Variants in SOX6 observed in about 807,000 individuals in gnomAD.
SOX6 encodes SRY-box transcription factor 6, also known as transcription factor SOX-6.
A neutral mutation model predicts 97.8 loss-of-function variants in SOX6; 11 were observed. The ratio of observed to expected loss-of-function variants is 0.11; its 90% CI spans 0.07 to 0.19. The LOEUF (loss-of-function observed/expected upper bound fraction) is 0.19. Among genes scored for constraint, SOX6 ranks in the 10% least tolerant of loss-of-function variants. The pLI is 1.00. For synonymous variants in SOX6, 360 were observed against 371.4 expected (o/e 0.97, Z 0.35); for missense variants, 810 against 1,039.5 (o/e 0.78, Z 3.04).
chr11:16,132,413 GA>G (rs1363826793), intron 6 of SOX6, among the ~76,000 whole-genome samples: 2 of 90,586 alleles, frequency 2.2e-5, no homozygotes, highest in Admixed American at 2.6e-4. Context: ...AAGAAAGAAA[GA>G]AAGAAAGAAA....
In SOX6 at chr11:16,610,061, C is replaced by G. The variant is rs1011518546; in HGVS notation, n.609+2020G>C. On this transcript the variant is annotated intron_variant and non_coding_transcript_variant, in intron 4 of 5. Transcript: ENST00000524520. This position sits in a 1 kb window ranked among gnomAD's most constrained non-coding sequence, Gnocchi z 4.4. ...CTAAGGCCCAAGGGGCAAGCTCAGACTGGTGTTTCTAGCCCAGACAGGAGT... is the reference window on the plus strand; with the variant it reads ...CTAAGGCCCAAGGGGCAAGCTCAGAGTGGTGTTTCTAGCCCAGACAGGAGT... Among the ~76,000 whole-genome samples, 1 of 152,188 alleles carries G rather than the reference C, an allele frequency of 6.6e-6. No individual in the cohort carries two copies. The highest frequency in any genetic ancestry group is 2.4e-5 in the African/African-American group (1 of 41,444).
In SOX6 at chr11:15,969,502, C is replaced by A. The variant is rs905046800; in HGVS notation, c.*3307G>T. ...AGTGGGTTCTGAACTGCATGAGAAC[C>A]CTGGTGAAACGTTTTGCTGTCCCAG... is the stretch of plus-strand genomic sequence containing the variant. On this transcript the variant is annotated 3_prime_UTR_variant, in exon 16 of 16. Transcript: ENST00000683767. 2.0e-5 allele frequency: 3 copies of A among 151,868 alleles called. No individual in the cohort carries two copies. The highest frequency in any genetic ancestry group is 7.3e-5 in the African/African-American group (3 of 41,332). 9.4% of individuals were successfully genotyped at this position (151,868 alleles called of 1,614,324 possible). A position where few individuals can be genotyped will look rare whatever the true frequency, so the allele number is the denominator to read the frequency against.
In SOX6 at chr11:16,133,505, C is replaced by T. The variant is rs151084298; in HGVS notation, c.778-21582G>A. Among the ~76,000 whole-genome samples, 260 of 152,156 alleles carry T rather than the reference C, an allele frequency of 1.7e-3. 2 individuals carry two copies. The East Asian group carries it at 0.044, about 26-fold the overall frequency. On this transcript the variant is annotated intron_variant, in intron 6 of 15. Transcript: ENST00000683767. ...AGAAGAATCTCTCAAGACAAAAATA[C>T]CAATATTTTCACTAAAATATCTAAG...
intron 4 of SOX6, among the ~76,000 whole-genome samples, chr11:16,501,565 A>ATTG (rs1451759361): frequency 2.0e-5 from 3 of 151,906 alleles, no homozygotes; most frequent in Non-Finnish European, 4.4e-5. Context: ...TACTCATCTG[A>ATTG]CAAAGGGCTA....
rs1163006154 is a variant in SOX6, at chr11:16,132,402, AAAG to A, written c.778-20482_778-20480del. On this transcript the variant is annotated intron_variant, in intron 6 of 15. Transcript: ENST00000683767. The stretch of plus-strand genomic sequence containing the variant: ...AGAAAGAAAGAAAGAAAGAAAGAAA[AAAG>A]AAAGAAAGAAAGAAAGAAAGAAAGA... Among the ~76,000 whole-genome samples, 234 of 33,376 alleles carry A rather than the reference AAAG, an allele frequency of 7.0e-3. 26 individuals are homozygous for A. The highest frequency in any genetic ancestry group is 0.033 in the African/African-American group (216 of 6,480). The allele number at this position is 33,376 out of a possible 152,430, so 21.9% of individuals were successfully genotyped here.
chr11:16,076,854 C>A (rs1475105322), intron 9 of SOX6, among the ~76,000 whole-genome samples: 1 of 148,756 alleles, frequency 6.7e-6, no homozygotes. Flanking sequence ...CCCGGGTTCA[C>A]GCCATTCTCC....
At chr11:16,263,661 A>G (rs1327180156) in intron 3 of SOX6, among the ~76,000 whole-genome samples, 1 of 151,976 alleles carries the variant, frequency 6.6e-6, no homozygotes, top group Non-Finnish European at 1.5e-5. Context: ...ATTCATGGTA[A>G]CATAATTCAT....
chr11:16,200,555 T>G (rs1045450198), intron 4 of SOX6, among the ~76,000 whole-genome samples: 3 of 152,200 alleles, frequency 2.0e-5, no homozygotes, highest in Non-Finnish European at 4.4e-5. Context: ...ATAGAATATC[T>G]CTTAATCTCT....
intron 6 of SOX6, among the ~76,000 whole-genome samples, chr11:16,179,053 A>G (rs1851277198): frequency 6.6e-6 from 1 of 151,902 alleles, no homozygotes; most frequent in Non-Finnish European, 1.5e-5. Flanking sequence ...ATGAAGGCTA[A>G]TGTACAAAGC....
intron 1 of SOX6, among the ~76,000 whole-genome samples, chr11:16,451,630 C>G (rs529983688): frequency 6.6e-6 from 1 of 152,286 alleles, no homozygotes; most frequent in Admixed American, 6.5e-5. Context: ...CCCTACTAAC[C>G]ATCCTGTCAG....
intron 3 of SOX6, among the ~76,000 whole-genome samples, chr11:16,660,091 C>G (rs926307460): frequency 6.6e-6 from 1 of 152,000 alleles, no homozygotes; most frequent in Non-Finnish European, 1.5e-5. Flanking sequence ...TTGATTTTCT[C>G]TACGGTTTTC....
At chr11:16,692,094 C>CTAT (rs1564870369) in intron 3 of SOX6, among the ~76,000 whole-genome samples, 1 of 134,942 alleles carries the variant, frequency 7.4e-6, no homozygotes. Context: ...TGTGTGCGCG[C>CTAT]GCGCGCTTTC....
In SOX6 at chr11:16,015,019, T is replaced by G; in HGVS notation, c.1655A>C (p.Gln552Pro). 2 of 1,612,960 alleles carry G rather than the reference T, an allele frequency of 1.2e-6. No homozygotes were observed. The highest frequency in any genetic ancestry group is 1.7e-6 in the Non-Finnish European group (2 of 1,179,326). The part of the protein sequence containing the change: ...ERTRFENLGP[Q>P]LTGKSNEDGK... ...ATCTTCATTTGACTTTCCCGTTAAC[T>G]GGGGCCCCAAATTCTCAAAGCGCGT... Residue 552 changes from glutamine to proline, a missense_variant, in exon 13 of 16, where the codon CAG (glutamine) becomes CCG (proline). Physicochemically the swap from Gln to Pro is moderately conservative, Grantham distance 76. Coordinates refer to ENST00000683767, the MANE Select transcript of SOX6 (RefSeq NM_001367873.1).
intron 1 of SOX6, among the ~76,000 whole-genome samples, chr11:16,370,951 C>A (rs1485264332): frequency 6.6e-6 from 1 of 151,990 alleles, no homozygotes; most frequent in East Asian, 1.9e-4. Flanking sequence ...TTCTTCATCC[C>A]TATAATTTAT....
intron 12 of SOX6, among the ~76,000 whole-genome samples, chr11:16,028,542 T>C (rs941003845): frequency 6.6e-6 from 1 of 152,186 alleles, no homozygotes; most frequent in African/African-American, 2.4e-5. Context: ...AGAACAATGA[T>C]GGGTACATTA....
chr11:16,198,558 A>T (rs1343729853), intron 4 of SOX6, among the ~76,000 whole-genome samples: 5 of 152,140 alleles, frequency 3.3e-5, no homozygotes, highest in Non-Finnish European at 4.4e-5. Flanking sequence ...AGAAGGAAAA[A>T]ATACGTTAAA....
At chr11:16,513,077 CTTTCTAG>C (rs1166876779) in intron 4 of SOX6, among the ~76,000 whole-genome samples, 1 of 152,188 alleles carries the variant, frequency 6.6e-6, no homozygotes, top group Non-Finnish European at 1.5e-5. Context: ...GAAAAACTCA[CTTTCTAG>C]TTTCTAGTTT....
intron 3 of SOX6, among the ~76,000 whole-genome samples, chr11:16,670,064 C>A (rs1030116088): frequency 6.6e-6 from 1 of 152,120 alleles, no homozygotes; most frequent in Admixed American, 6.5e-5. Flanking sequence ...CCGCCCTTCA[C>A]CAGGCAAGGC....
chr11:16,581,960 C>CAA (rs35137027), intron 4 of SOX6, among the ~76,000 whole-genome samples: 10 of 106,462 alleles, frequency 9.4e-5, no homozygotes, highest in Admixed American at 1.0e-4. Flanking sequence ...GACTCCATCT[C>CAA]AAAAAAAAAA....
Sources: allele counts gnomAD v4.1 joint callset (sites outside exome capture counted in the v4.1 genomes callset), GRCh38; gene constraint gnomAD v4.1.1; non-coding constraint Gnocchi (gnomAD v3.1); transcripts MANE v1.5; gene names NCBI Gene and HGNC (gene_info 2026-07-23, HGNC 2026-07-21).